Variants in GUK1 observed in about 807,000 individuals in gnomAD.
The protein encoded by GUK1 is guanylate kinase.
In GUK1, 18 loss-of-function variants were observed where a neutral mutation model predicts 25.2. The ratio of observed to expected loss-of-function variants is 0.71; its 90% CI spans 0.49 to 1.06. GUK1 has a LOEUF of 1.06. Among genes scored for constraint, GUK1 ranks in the 50% least tolerant of loss-of-function variants. GUK1 has a pLI of 0.00. For synonymous variants in GUK1, 105 were observed against 117.6 expected (o/e 0.89, Z 0.69); for missense variants, 261 against 276.7 (o/e 0.94, Z 0.40).
upstream of GUK1, chr1:228,140,212 G>C: frequency 1.9e-6 from 2 of 1,057,422 alleles, no homozygotes; most frequent in Non-Finnish European, 2.8e-6. Context: ...GGGCGGGGCA[G>C]TCGCCTCATG....
At chr1:228,140,500 C>T (rs1488279547) in intron 1 of GUK1, 137 bp downstream of exon 1, 3 of 676,926 alleles carry the variant, frequency 4.4e-6, no homozygotes, top group Admixed American at 7.1e-5. Context: ...CAACTGTGGG[C>T]CCTGAGAACG....
At chr1:228,145,696 G>T in intron 3 of GUK1, 72 bp downstream of exon 2, 2 of 1,538,374 alleles carry the variant, frequency 1.3e-6, no homozygotes, top group Non-Finnish European at 1.8e-6. Context: ...CCGTGAGCAG[G>T]CCAGGAGCCC....
chr1:228,148,244 G>C, intron 7 of GUK1, 127 bp from the exon 7 acceptor site: 1 of 760,204 alleles, frequency 1.3e-6, no homozygotes, highest in Middle Eastern at 3.3e-4. Context: ...GCCCGGCTGG[G>C]CTGGAAAGCT....
chr1:228,147,864 G>A (rs890997652), intron 7 of GUK1, among the ~76,000 whole-genome samples, 165 bp downstream of exon 6: 2 of 151,998 alleles, frequency 1.3e-5, no homozygotes, highest in African/African-American at 4.8e-5. Flanking sequence ...TCCCCGTGAG[G>A]GTCCCCAGAA....
In GUK1 at chr1:228,146,153, G is replaced by A. The variant is rs374108032; in HGVS notation, c.154+86G>A. ...TGCAGCTGTGTTGGCTGTGCTGCCC[G>A]TCTCCTGCCCCCATCAATCCCTAAT... On this transcript the variant is annotated intron_variant, in intron 4 of 8. Coordinates refer to ENST00000312726, the MANE Select transcript of GUK1 (RefSeq NM_000858.7). 100 of 873,558 alleles carry A rather than the reference G, an allele frequency of 1.1e-4. No individual in the cohort carries two copies. In the Middle Eastern group the frequency reaches 2.2e-3, roughly 19 times the overall value. 54.1% of individuals were successfully genotyped at this position (873,558 alleles called of 1,614,324 possible).
At position 228,146,029 on chromosome 1, in the gene GUK1, C is replaced by A. The variant is rs1426839084; in HGVS notation, c.116C>A (p.Thr39Asn). Residue 39 changes from threonine to asparagine, a missense_variant, in exon 4 of 9, where the codon ACC becomes AAC. Thr to Asn is a moderately conservative substitution (Grantham distance 65, BLOSUM62 0). Transcript: ENST00000312726. ...GGGTGACAGGTCTCTCTGCTAGATA[C>A]CACGAGGAACCCGAGGCCCGGCGAG... is the stretch of plus-strand genomic sequence containing the variant. 1 of 1,610,920 alleles carries A rather than the reference C, an allele frequency of 6.2e-7. No homozygotes were observed. The highest frequency in any genetic ancestry group is 1.1e-5 in the South Asian group (1 of 91,020).
intron 5 of GUK1, 63 bp from the exon 5 acceptor site, chr1:228,147,343 C>T: frequency 1.3e-6 from 2 of 1,517,964 alleles, no homozygotes; most frequent in Middle Eastern, 2.4e-4. Context: ...CCTGGGTGTC[C>T]CTGAAGCTCC....
At chr1:228,143,802 G>A (rs3806439) in intron 2 of GUK1, among the ~76,000 whole-genome samples, 16,383 of 152,242 alleles carry the variant, frequency 0.11, 929 homozygotes, top group Middle Eastern at 0.2. Context: ...TTCTGCGGGT[G>A]GGAGAGCCAG....
Position 228,146,912 on chromosome 1 carries a change from G to A in GUK1, c.225G>A (p.Glu75=), listed in dbSNP as rs755993366. The A allele has an allele frequency of 1.2e-6, 2 of 1,613,656 alleles. No individual in the cohort carries two copies. The highest frequency in any genetic ancestry group is 3.3e-5 in the Admixed American group (2 of 60,030). ...CCGGCGACTTCATCGAGCATGCCGA[G>A]TTCTCGGGGAACCTGTATGGCACGA... The change falls in exon 5 of 9, where the codon GAG becomes GAA. Residue 75 remains glutamate (E), a synonymous_variant. Transcript: ENST00000312726.
chr1:228,146,631 A>G (rs1193592140), intron 4 of GUK1: 2 of 582,260 alleles, frequency 3.4e-6, no homozygotes, highest in Non-Finnish European at 6.2e-6. Flanking sequence ...TCGTATCTCC[A>G]TCAGTGAGGA....
intron 7 of GUK1, 150 bp from the exon 7 acceptor site, chr1:228,148,221 C>G (rs2034506042): frequency 1.4e-6 from 1 of 717,670 alleles, no homozygotes; most frequent in Non-Finnish European, 2.6e-6. Context: ...CGGCCCTTCC[C>G]TACCCTGCAC....
chr1:228,146,754 G>GTTGGCAA, intron 4 of GUK1, 88 bp from the exon 4 acceptor site: 1 of 840,522 alleles, frequency 1.2e-6, no homozygotes, highest in Non-Finnish European at 2.1e-6. Context: ...GGAGGGGCCT[G>GTTGGCAA]CAGGCATGCC....
At chr1:228,146,161 C>A in intron 4 of GUK1, 94 bp downstream of exon 3, 1 of 814,184 alleles carries the variant, frequency 1.2e-6, no homozygotes, top group Non-Finnish European at 2.1e-6. Context: ...CCGTCTCCTG[C>A]CCCCATCAAT....
intron 5 of GUK1, 151 bp from the exon 5 acceptor site, chr1:228,147,255 G>A (rs1288607916): frequency 2.7e-6 from 2 of 740,332 alleles, no homozygotes; most frequent in African/African-American, 1.8e-5. Flanking sequence ...GGGGTAGCAG[G>A]TTTGAGATGC....
chr1:228,148,458 TG>T lies in GUK1; in HGVS notation c.561+5del. The T allele has an allele frequency of 1.3e-6, 2 of 1,568,818 alleles. No homozygotes were observed. Among genetic ancestry groups the T allele is most frequent in the South Asian group, 2.3e-5 (2 of 85,558 alleles). On this transcript the variant is annotated splice_donor_region_variant and intron_variant, in intron 8 of 8. Coordinates refer to ENST00000312726, the MANE Select transcript of GUK1 (RefSeq NM_000858.7). The stretch of plus-strand genomic sequence containing the variant: ...GAGCTGAAGGAGGCGCTCTCTGAGG[TG>T]GGCCCATCCTTGTGCCTACCTGGGC...
At chr1:228,142,444 T>C (rs960282980) in intron 2 of GUK1, among the ~76,000 whole-genome samples, 4 of 152,012 alleles carry the variant, frequency 2.6e-5, no homozygotes, top group African/African-American at 9.7e-5. Flanking sequence ...AACTGGTGTC[T>C]TCTGCCTGCG....
intron 1 of GUK1, among the ~76,000 whole-genome samples, chr1:228,140,633 A>G (rs919711749): frequency 5.3e-5 from 8 of 152,214 alleles, no homozygotes; most frequent in African/African-American, 1.9e-4. Flanking sequence ...CCCCGGGCGT[A>G]TAGGAGCGCT....
chr1:228,147,732 A>T (rs1224263779), intron 7 of GUK1, 33 bp downstream of exon 6: 1 of 1,593,940 alleles, frequency 6.3e-7, no homozygotes, highest in Non-Finnish European at 8.6e-7. Context: ...AGGGAATGCC[A>T]GGAGGGGAGT....
In GUK1 at chr1:228,147,363, CAGAG is replaced by C. The variant is rs751303490; in HGVS notation, c.252-40_252-37del. The C allele has an allele frequency of 1.9e-6, 3 of 1,587,248 alleles. No homozygotes were observed. The Admixed American group carries it at 5.1e-5, about 27-fold the overall frequency. ...GTGTCCCTGAAGCTCCTGTAGGCCTCAGAGAGCCCTGGCACCCCTGCTGACCTGG... is the reference window on the plus strand; with the variant it reads ...GTGTCCCTGAAGCTCCTGTAGGCCTCAGCCCTGGCACCCCTGCTGACCTGG... On this transcript the variant is annotated intron_variant, in intron 5 of 8. Coordinates refer to ENST00000312726, the MANE Select transcript of GUK1 (RefSeq NM_000858.7).
Sources: allele counts gnomAD v4.1 joint callset (sites outside exome capture counted in the v4.1 genomes callset), GRCh38; gene constraint gnomAD v4.1.1; transcripts MANE v1.5; gene names NCBI Gene and HGNC (gene_info 2026-07-23, HGNC 2026-07-21).